Variants in ARHGAP29 observed in about 807,000 individuals in gnomAD.
The protein encoded by ARHGAP29 is Rho GTPase activating protein 29, also known as rho GTPase-activating protein 29.
ARHGAP29 carries 43 observed loss-of-function variants against 122.6 expected under a neutral mutation model. The ratio of observed to expected loss-of-function variants is 0.35; its 90% confidence interval spans 0.27 to 0.45. The LOEUF (loss-of-function observed/expected upper bound fraction) is 0.45. Among genes scored for constraint, ARHGAP29 ranks in the 20% least tolerant of loss-of-function variants. ARHGAP29 has a pLI of 1.00. For missense variants in ARHGAP29, 1,303 were observed against 1,477.2 expected (o/e 0.88, Z 1.93); for synonymous variants, 506 against 497.1 (o/e 1.02, Z -0.24).
chr1:94,201,461 C>T (rs1390298951), intron 12 of ARHGAP29, among the ~76,000 whole-genome samples: 3 of 151,372 alleles, frequency 2.0e-5, no homozygotes, highest in African/African-American at 4.9e-5. Flanking sequence ...CCCTCCCTTC[C>T]TTCCTCCCTC....
At chr1:94,197,365 TA>T (rs1002238508) in intron 12 of ARHGAP29, among the ~76,000 whole-genome samples, 3 of 150,482 alleles carry the variant, frequency 2.0e-5, no homozygotes, top group South Asian at 2.1e-4. Context: ...GAATACGTAG[TA>T]AAAAAAAAAT....
At chr1:94,289,863 G>A in the ARHGAP29 span, among the ~76,000 whole-genome samples, 3 of 152,144 alleles carry the variant, frequency 2.0e-5, no homozygotes. Context: ...TGGTGGATAA[G>A]CTTTTTGATG....
At chr1:94,309,764 C>T in the ARHGAP29 span, among the ~76,000 whole-genome samples, 1 of 152,156 alleles carries the variant, frequency 6.6e-6, no homozygotes, top group East Asian at 1.9e-4. Flanking sequence ...AGAGTCAATT[C>T]CTCTGTTACA....
chr1:94,263,653 T>C (rs1654645821), intron 1 of ARHGAP29, among the ~76,000 whole-genome samples: 1 of 152,200 alleles, frequency 6.6e-6, no homozygotes, highest in African/African-American at 2.4e-5. Context: ...AATTCTAAAA[T>C]AATATATAAT....
chr1:94,268,328 C>T (rs1168552255), intron 1 of ARHGAP29, among the ~76,000 whole-genome samples: 1 of 151,936 alleles, frequency 6.6e-6, no homozygotes, highest in African/African-American at 2.4e-5. Flanking sequence ...TCCTATTCTG[C>T]AAGCTTCTAC....
At chr1:94,214,318 G>C (rs552191737) in intron 3 of ARHGAP29, among the ~76,000 whole-genome samples, 22 of 152,248 alleles carry the variant, frequency 1.4e-4, no homozygotes, top group African/African-American at 4.1e-4. Context: ...TCTCCACTTA[G>C]CCTCTATAGC....
intron 1 of ARHGAP29, chr1:94,274,935 G>GT (rs565408198): frequency 6.1e-4 from 93 of 152,344 alleles, no homozygotes; most frequent in African/African-American, 2.2e-3. Context: ...TAAGGGTCTT[G>GT]TTTTCTCTAG....
At chr1:94,225,931 T>G (rs1652587280) in intron 2 of ARHGAP29, among the ~76,000 whole-genome samples, 1 of 152,152 alleles carries the variant, frequency 6.6e-6, no homozygotes, top group Admixed American at 6.5e-5. Flanking sequence ...TTCACCGATC[T>G]AAGCCATTTA....
At chr1:94,240,415 C>A (rs1256784888), upstream of ARHGAP29, among the ~76,000 whole-genome samples, 3 of 152,110 alleles carry the variant, frequency 2.0e-5, no homozygotes, top group Non-Finnish European at 4.4e-5. Context: ...TTTTATTAAT[C>A]TCCCCTGACT....
intron 2 of ARHGAP29, among the ~76,000 whole-genome samples, chr1:94,225,339 AAC>A (rs1410480951): frequency 1.3e-5 from 2 of 152,098 alleles, no homozygotes; most frequent in Admixed American, 6.5e-5. Flanking sequence ...CCTCAGTAAA[AAC>A]ACAATTGATA....
the ARHGAP29 span, among the ~76,000 whole-genome samples, chr1:94,301,108 T>C: frequency 6.6e-6 from 1 of 152,216 alleles, no homozygotes; most frequent in Non-Finnish European, 1.5e-5. Context: ...TTCTTCCACC[T>C]TCTCAGTAAT....
At chr1:94,288,923 G>A in the ARHGAP29 span, among the ~76,000 whole-genome samples, 33 of 152,228 alleles carry the variant, frequency 2.2e-4, no homozygotes, top group South Asian at 3.7e-3. Context: ...GTCAGGTAGC[G>A]TGATGCCTCC....
At chr1:94,223,805 TC>T (rs200607760) in intron 2 of ARHGAP29, among the ~76,000 whole-genome samples, 77 of 148,934 alleles carry the variant, frequency 5.2e-4, no homozygotes, top group East Asian at 3.9e-4. Context: ...TATAAAACCT[TC>T]CCTTTTTTTT....
the ARHGAP29 span, among the ~76,000 whole-genome samples, chr1:94,290,446 A>T: frequency 6.6e-6 from 1 of 151,494 alleles, no homozygotes; most frequent in East Asian, 1.9e-4. Flanking sequence ...GATCTTTGTT[A>T]TTTCTTGTCT....
At chr1:94,209,012 A>G in intron 4 of ARHGAP29, 108 bp from the exon 5 acceptor site, 1 of 1,052,828 alleles carries the variant, frequency 9.5e-7, no homozygotes, top group East Asian at 2.6e-5. Context: ...AGAACCTTAG[A>G]AATAAACCCC....
chr1:94,252,462 C>G (rs1414990356), intron 1 of ARHGAP29, among the ~76,000 whole-genome samples: 1 of 152,154 alleles, frequency 6.6e-6, no homozygotes, highest in Non-Finnish European at 1.5e-5. Flanking sequence ...GGTGTTTGTC[C>G]AAGATCACCC....
the ARHGAP29 span, among the ~76,000 whole-genome samples, chr1:94,305,049 A>C: frequency 3.4e-3 from 522 of 152,336 alleles, no homozygotes; most frequent in African/African-American, 0.012. Context: ...AAAACAAAAG[A>C]GGTCATTTTA....
At chr1:94,262,315 C>G (rs941681745) in intron 1 of ARHGAP29, among the ~76,000 whole-genome samples, 1 of 152,078 alleles carries the variant, frequency 6.6e-6, no homozygotes, top group Non-Finnish European at 1.5e-5. Flanking sequence ...TGGAAGACAA[C>G]GTAGGCAATA....
intron 22 of ARHGAP29, 34 bp downstream of exon 22, chr1:94,177,578 A>T (rs1211002781): frequency 6.5e-7 from 1 of 1,542,656 alleles, no homozygotes; most frequent in African/African-American, 1.4e-5. Flanking sequence ...ATTTTAAGCC[A>T]GCAAACATAT....
Sources: allele counts gnomAD v4.1 joint callset (sites outside exome capture counted in the v4.1 genomes callset), GRCh38; gene constraint gnomAD v4.1.1; transcripts MANE v1.5; gene names NCBI Gene and HGNC (gene_info 2026-07-23, HGNC 2026-07-21).